Variants in DACH1 observed in about 807,000 individuals in gnomAD.
The protein encoded by DACH1 is dachshund family transcription factor 1, also known as dachshund homolog 1.
DACH1 carries 12 observed loss-of-function variants against 54.2 expected under a neutral mutation model. That is an observed-to-expected ratio of 0.22 (90% CI 0.14 to 0.36). The LOEUF (loss-of-function observed/expected upper bound fraction) is 0.36, where lower values mean the gene tolerates loss of function less well. Among genes scored for constraint, DACH1 ranks in the 10% least tolerant of loss-of-function variants. DACH1 has a pLI of 1.00. For missense variants in DACH1, 805 were observed against 929.8 expected (o/e 0.87, Z 1.75); for synonymous variants, 386 against 366.2 (o/e 1.05, Z -0.62).
intron 1 of DACH1, among the ~76,000 whole-genome samples, chr13:71,857,900 A>G (rs1393974332): frequency 6.6e-6 from 1 of 151,750 alleles, no homozygotes; most frequent in Non-Finnish European, 1.5e-5. Context: ...TAAGTGATTT[A>G]CTTTGTTCAT....
chr13:71,513,834 G>A (rs1003195727), intron 6 of DACH1, among the ~76,000 whole-genome samples: 28 of 152,120 alleles, frequency 1.8e-4, no homozygotes, highest in African/African-American at 6.3e-4. Flanking sequence ...TTTGTTCTCT[G>A]TGTAATACTT....
rs113878864 is a variant in DACH1 at position 71,779,397 on chromosome 13, T to C, written c.848+86525A>G. Among the ~76,000 whole-genome samples, 7 of 151,056 alleles carry C rather than the reference T, an allele frequency of 4.6e-5. 2 individuals are homozygous for C. Among genetic ancestry groups the C allele is most frequent in the African/African-American group, 1.7e-4 (7 of 41,080 alleles). Reference sequence around the variant, plus strand: ...AGAACAAAACTTAACTTCATTCACATCCAGATATCTGAGAAAGAACAGCTA... The same window carrying C: ...AGAACAAAACTTAACTTCATTCACACCCAGATATCTGAGAAAGAACAGCTA... On this transcript the variant is annotated intron_variant, in intron 1 of 10. Transcript: ENST00000613252.
chr13:71,788,311 AT>A lies in DACH1; in HGVS notation c.848+77610del, dbSNP rs538336904. ...TAGAGACACTCTAATGTTCTTTCCA[AT>A]TCATACATTCAGTTAGTCTATAAAG... On this transcript the variant is annotated intron_variant, in intron 1 of 10. Transcript: ENST00000613252. Among the ~76,000 whole-genome samples, 8 of 152,250 alleles carry A rather than the reference AT, an allele frequency of 5.3e-5. No individual in the cohort carries two copies. In the East Asian group the frequency reaches 1.5e-3, roughly 29 times the overall value.
chr13:71,860,130 G>T (rs1874254102), intron 1 of DACH1, among the ~76,000 whole-genome samples: 1 of 151,494 alleles, frequency 6.6e-6, no homozygotes, highest in African/African-American at 2.4e-5. Flanking sequence ...GAAAATATAA[G>T]TGTAGTCTTA....
At chr13:71,625,529 T>C (rs1566387808) in intron 3 of DACH1, among the ~76,000 whole-genome samples, 2 of 151,956 alleles carry the variant, frequency 1.3e-5, no homozygotes, top group Non-Finnish European at 2.9e-5. Flanking sequence ...CTGCCTGGCT[T>C]TTTTTCCCTT....
chr13:71,445,371 TTACA>T (rs1874359920), intron 10 of DACH1, among the ~76,000 whole-genome samples: 1 of 152,188 alleles, frequency 6.6e-6, no homozygotes, highest in Non-Finnish European at 1.5e-5. Context: ...TTTATAAAAA[TTACA>T]TACATTATGT....
rs111698236 is a variant in DACH1, at chr13:71,643,309, A to G, written c.965-12592T>C. Among the ~76,000 whole-genome samples the G allele has an allele frequency of 2.1e-4, 32 of 152,314 alleles. 1 individual carries two copies. Among genetic ancestry groups the G allele is most frequent in the African/African-American group, 7.5e-4 (31 of 41,566 alleles). ...GTATGACAGTCCTACAAAGAGTTTC[A>G]AAAGCTTTTTGCAATACTCTTACCA... On this transcript the variant is annotated intron_variant, in intron 2 of 10. Coordinates refer to ENST00000613252, the MANE Select transcript of DACH1 (RefSeq NM_080759.6).
intron 10 of DACH1, among the ~76,000 whole-genome samples, chr13:71,455,145 T>A (rs927052918): frequency 6.6e-6 from 1 of 152,182 alleles, no homozygotes. Flanking sequence ...TTTATTGTTC[T>A]TAATGTGCAA....
At chr13:71,746,040 A>G (rs2137961076) in intron 1 of DACH1, among the ~76,000 whole-genome samples, 1 of 152,272 alleles carries the variant, frequency 6.6e-6, no homozygotes, top group East Asian at 1.9e-4. Flanking sequence ...CAACATGGTG[A>G]AAACCCCTCT....
intron 10 of DACH1, among the ~76,000 whole-genome samples, chr13:71,450,713 A>G (rs190061522): frequency 6.6e-6 from 1 of 152,288 alleles, no homozygotes. Flanking sequence ...CTTGAAGGAA[A>G]TTAAAAGCTA....
intron 4 of DACH1, among the ~76,000 whole-genome samples, chr13:71,571,587 CTT>C (rs1475715956): frequency 2.0e-5 from 3 of 152,092 alleles, no homozygotes; most frequent in African/African-American, 7.2e-5. Flanking sequence ...TTCTGTGAGA[CTT>C]TTGGTTATTT....
rs138072625 is a variant in DACH1, at chr13:71,657,321, T to C, written c.964+24474A>G. Among the ~76,000 whole-genome samples, 1,396 of 151,818 alleles carry C rather than the reference T, an allele frequency of 9.2e-3. 14 individuals carry two copies. Among genetic ancestry groups the C allele is most frequent in the Middle Eastern group, 0.034 (10 of 292 alleles). ...AGCATTTAAACACAGTGTGACCTTATCTCTATTAAAAAAATTAAAAATTAG... is the reference window on the plus strand; with the variant it reads ...AGCATTTAAACACAGTGTGACCTTACCTCTATTAAAAAAATTAAAAATTAG... On this transcript the variant is annotated intron_variant, in intron 2 of 10. Transcript: ENST00000613252.
intron 6 of DACH1, among the ~76,000 whole-genome samples, chr13:71,518,813 T>C (rs922459632): frequency 6.6e-6 from 1 of 151,834 alleles, no homozygotes; most frequent in Non-Finnish European, 1.5e-5. Flanking sequence ...CTATGGACCA[T>C]AGGTCAGATC....
At chr13:71,458,909 T>C (rs1343245859) in intron 10 of DACH1, among the ~76,000 whole-genome samples, 1 of 151,880 alleles carries the variant, frequency 6.6e-6, no homozygotes, top group Non-Finnish European at 1.5e-5. Flanking sequence ...TCCCACTAGA[T>C]TATAAGTGAA....
intron 1 of DACH1, among the ~76,000 whole-genome samples, chr13:71,708,818 A>C (rs1221906413): frequency 1.3e-5 from 2 of 151,046 alleles, no homozygotes; most frequent in Non-Finnish European, 2.9e-5. Flanking sequence ...TTACTTTGTC[A>C]ATAAGCTTTC....
At chr13:71,753,299 A>G (rs1300154090) in intron 1 of DACH1, among the ~76,000 whole-genome samples, 1 of 152,154 alleles carries the variant, frequency 6.6e-6, no homozygotes, top group African/African-American at 2.4e-5. Flanking sequence ...TCGCTGCAAT[A>G]TAAGAAAAAA....
At chr13:71,466,144 G>A (rs554776545) in intron 10 of DACH1, among the ~76,000 whole-genome samples, 6 of 151,908 alleles carry the variant, frequency 3.9e-5, no homozygotes, top group South Asian at 2.1e-4. Flanking sequence ...GAATTTCACC[G>A]GTGCACTGTT....
At chr13:71,547,346 T>C (rs1458050753) in intron 6 of DACH1, among the ~76,000 whole-genome samples, 1 of 152,112 alleles carries the variant, frequency 6.6e-6, no homozygotes, top group Non-Finnish European at 1.5e-5. Context: ...ATGTAATATC[T>C]AAATAATAAT....
intron 3 of DACH1, among the ~76,000 whole-genome samples, chr13:71,595,118 G>T (rs1425056573): frequency 6.6e-6 from 1 of 151,988 alleles, no homozygotes; most frequent in South Asian, 2.1e-4. Context: ...ATATATGTAC[G>T]GATCTCTGGA....
Sources: allele counts gnomAD v4.1 joint callset (sites outside exome capture counted in the v4.1 genomes callset), GRCh38; gene constraint gnomAD v4.1.1; transcripts MANE v1.5; gene names NCBI Gene and HGNC (gene_info 2026-07-23, HGNC 2026-07-21).